Variants in ANXA8 observed in about 807,000 individuals in gnomAD.
The protein encoded by ANXA8 is VAC-beta.
A neutral mutation model predicts 26.8 loss-of-function variants in ANXA8; 9 were observed. The ratio of observed to expected loss-of-function variants is 0.34; its 90% confidence interval spans 0.20 to 0.59. ANXA8 has a LOEUF of 0.59. Ranked by LOEUF, ANXA8 falls within the 20% of genes least tolerant of loss-of-function variation. ANXA8 has a pLI of 0.84. For synonymous variants in ANXA8, 39 were observed against 94.8 expected (o/e 0.41, Z 3.42); for missense variants, 83 against 238.5 (o/e 0.35, Z 4.29).
the ANXA8 span, among the ~76,000 whole-genome samples, chr10:47,777,770 C>T: frequency 2.0e-5 from 3 of 151,934 alleles, no homozygotes; most frequent in African/African-American, 4.8e-5. Context: ...ATGTATCCCT[C>T]TTAGGGCTAT....
the ANXA8 span, among the ~76,000 whole-genome samples, chr10:47,699,584 T>C: frequency 6.6e-6 from 1 of 151,184 alleles, no homozygotes; most frequent in East Asian, 1.9e-4. Flanking sequence ...TCTAGCCCTT[T>C]GGGAGATGAA....
At chr10:47,668,257 C>T in the ANXA8 span, among the ~76,000 whole-genome samples, 7 of 151,144 alleles carry the variant, frequency 4.6e-5, no homozygotes, top group South Asian at 4.2e-4. Context: ...GTTTAATTTC[C>T]GAGAGCTCTT....
chr10:47,762,292 C>G, the ANXA8 span, among the ~76,000 whole-genome samples: 1 of 151,646 alleles, frequency 6.6e-6, no homozygotes, highest in Non-Finnish European at 1.5e-5. Flanking sequence ...ACCTAGGAGG[C>G]TTCGCCCCGG....
chr10:47,720,194 T>C, the ANXA8 span: 1,208 of 1,095,870 alleles, frequency 1.1e-3, 64 homozygotes, highest in African/African-American at 0.019. Context: ...CCCTGAGTGA[T>C]AGATAGCTAT....
chr10:47,946,375 C>G, the ANXA8 span, among the ~76,000 whole-genome samples: 1 of 150,658 alleles, frequency 6.6e-6, no homozygotes, highest in Admixed American at 6.6e-5. Context: ...CTAGTAAACA[C>G]TAGAGGTTTA....
chr10:47,644,318 T>C, the ANXA8 span, among the ~76,000 whole-genome samples: 1 of 150,270 alleles, frequency 6.7e-6, no homozygotes, highest in Non-Finnish European at 1.5e-5. Flanking sequence ...AATTTGTTTT[T>C]AGGCAGGATT....
At chr10:47,592,806 TG>T in the ANXA8 span, among the ~76,000 whole-genome samples, 1 of 149,054 alleles carries the variant, frequency 6.7e-6, no homozygotes, top group Admixed American at 6.6e-5. Context: ...CATGGGGGCA[TG>T]GGAGCTGGAC....
At chr10:47,559,975 A>G in the ANXA8 span, among the ~76,000 whole-genome samples, 1 of 151,206 alleles carries the variant, frequency 6.6e-6, no homozygotes, top group Non-Finnish European at 1.5e-5. Flanking sequence ...AGCTCTCTAA[A>G]TGGGTGTAGC....
chr10:47,657,299 T>G, the ANXA8 span, among the ~76,000 whole-genome samples: 1 of 151,736 alleles, frequency 6.6e-6, no homozygotes. Flanking sequence ...CCTGAGTAGC[T>G]GAAAATATAG....
At chr10:47,565,603 G>GGCGCGCTACCCC in the ANXA8 span, 1 of 301,776 alleles carries the variant, frequency 3.3e-6, no homozygotes, top group Non-Finnish European at 6.0e-6. Context: ...CCCACGGCCC[G>GGCGCGCTACCCC]GCGCGCTACC....
chr10:47,982,470 T>C, the ANXA8 span, among the ~76,000 whole-genome samples: 132 of 147,090 alleles, frequency 9.0e-4, 3 homozygotes, highest in Non-Finnish European at 1.6e-3. Context: ...TTCAAGAGGA[T>C]TAAAAAAAAG....
the ANXA8 span, among the ~76,000 whole-genome samples, chr10:47,955,388 A>G: frequency 1.3e-5 from 2 of 149,972 alleles, no homozygotes; most frequent in Non-Finnish European, 3.0e-5. Flanking sequence ...GAAACACATC[A>G]TTAGGGGATT....
chr10:47,574,109 C>CTTTTT, the ANXA8 span, among the ~76,000 whole-genome samples: 1 of 25,432 alleles, frequency 3.9e-5, no homozygotes, highest in African/African-American at 1.6e-4. Flanking sequence ...AGTTTAACCT[C>CTTTTT]TTTTTTTTTT....
chr10:47,722,989 A>C, the ANXA8 span, among the ~76,000 whole-genome samples: 5 of 135,386 alleles, frequency 3.7e-5, 1 homozygote, highest in African/African-American at 1.3e-4. Flanking sequence ...AATCATTGAC[A>C]GTTGGGTGAA....
the ANXA8 span, among the ~76,000 whole-genome samples, chr10:47,950,909 T>C: frequency 3.3e-5 from 5 of 150,718 alleles, no homozygotes; most frequent in South Asian, 6.3e-4. Context: ...CTTTTAGAAG[T>C]TGGAAAAAGA....
the ANXA8 span, among the ~76,000 whole-genome samples, chr10:47,659,643 T>C: frequency 1.4e-5 from 2 of 147,224 alleles, no homozygotes; most frequent in East Asian, 2.0e-4. Context: ...GCCATTGCAC[T>C]CCAGCCTGGG....
chr10:47,685,261 G>A, the ANXA8 span, among the ~76,000 whole-genome samples: 37 of 150,520 alleles, frequency 2.5e-4, no homozygotes, highest in South Asian at 1.3e-3. Context: ...TAGGAGAATC[G>A]CTTGAACCCA....
chr10:47,625,222 A>ATT, the ANXA8 span, among the ~76,000 whole-genome samples: 1 of 2,832 alleles, frequency 3.5e-4, no homozygotes, highest in Non-Finnish European at 5.6e-4. Context: ...TCCTCTCTGC[A>ATT]TTTTTTTTTT....
At chr10:47,743,245 CATAT>C in the ANXA8 span, among the ~76,000 whole-genome samples, 766 of 94,562 alleles carry the variant, frequency 8.1e-3, 32 homozygotes, top group Middle Eastern at 0.012. Flanking sequence ...CAACAGGCTT[CATAT>C]ATATATATAT....
Sources: gnomAD v4.1 joint callset for allele counts (sites outside exome capture counted in the v4.1 genomes callset) on GRCh38, gnomAD v4.1.1 for gene constraint, MANE v1.5 for transcripts, NCBI Gene and HGNC (gene_info 2026-07-23, HGNC 2026-07-21) for gene names.